Variants in CACNA1A observed in about 807,000 individuals in gnomAD.
CACNA1A encodes the protein voltage-dependent P/Q-type calcium channel subunit alpha-1A.
A neutral mutation model predicts 262.4 loss-of-function variants in CACNA1A; 57 were observed. The ratio of observed to expected loss-of-function variants is 0.22; its 90% confidence interval spans 0.18 to 0.27. CACNA1A has a LOEUF of 0.27. CACNA1A is among the 10% of genes least tolerant of loss of function. The pLI is 1.00. For missense variants in CACNA1A, 2,526 were observed against 3,562.8 expected (o/e 0.71, Z 7.41); for synonymous variants, 1,431 against 1,419.3 (o/e 1.01, Z -0.18).
chr19:13,234,048 TAAA>T (rs60742009), intron 34 of CACNA1A, among the ~76,000 whole-genome samples: 1 of 102,352 alleles, frequency 9.8e-6, no homozygotes, highest in Non-Finnish European at 1.9e-5. Flanking sequence ...AGACTCCATC[TAAA>T]AAAAAAAAAA....
At chr19:13,500,726 T>C (rs1032147429) in intron 1 of CACNA1A, among the ~76,000 whole-genome samples, 3 of 152,196 alleles carry the variant, frequency 2.0e-5, no homozygotes, top group Non-Finnish European at 4.4e-5. Flanking sequence ...AATGAAATGT[T>C]CCCACTAAAA....
chr19:13,497,543 T>A (rs866738744), intron 1 of CACNA1A, among the ~76,000 whole-genome samples: 1 of 17,904 alleles, frequency 5.6e-5, no homozygotes, highest in Non-Finnish European at 9.1e-5. Context: ...TATATATATA[T>A]ATATATATAT....
chr19:13,238,297 G>A (rs1229551850), intron 31 of CACNA1A, among the ~76,000 whole-genome samples: 1 of 152,088 alleles, frequency 6.6e-6, no homozygotes, highest in Non-Finnish European at 1.5e-5. Context: ...AGAATGTGAT[G>A]GGGGTGGGAC....
chr19:13,304,621 C>T (rs1022653880), intron 15 of CACNA1A, among the ~76,000 whole-genome samples: 3 of 119,430 alleles, frequency 2.5e-5, no homozygotes, highest in African/African-American at 1.0e-4. Context: ...TGTGATTTGC[C>T]TAAAAAAAAA....
Position 13,257,606 on chromosome 19 carries a change from C to G in CACNA1A, c.4389-55G>C, listed in dbSNP as rs2056605285. ...GGGCAGGAAGGAGAGAGACAGGGAC[C>G]CAAGGGGTGATGAGGAAGGTGGAGA... On this transcript the variant is annotated intron_variant, in intron 27 of 46. Transcript: ENST00000360228. 6 of 1,209,216 alleles carry G rather than the reference C, an allele frequency of 5.0e-6. No individual in the cohort carries two copies. The Admixed American group carries it at 1.1e-4, about 22-fold the overall frequency. 74.9% of individuals were successfully genotyped at this position (1,209,216 alleles called of 1,614,324 possible). A position where few individuals can be genotyped will look rare whatever the true frequency, so the allele number is the denominator to read the frequency against.
At chr19:13,387,153 G>C (rs2059629477) in intron 3 of CACNA1A, among the ~76,000 whole-genome samples, 1 of 152,034 alleles carries the variant, frequency 6.6e-6, no homozygotes, top group Non-Finnish European at 1.5e-5. Flanking sequence ...GGTTCACCAT[G>C]TTGGCCAGCC....
At position 13,312,538 on chromosome 19, in the gene CACNA1A, C is replaced by A. The variant is rs573139753; in HGVS notation, c.1668+131G>T. On this transcript the variant is annotated intron_variant, in intron 12 of 46. Transcript: ENST00000360228. ...TTGCCAGTGTTTGGGATTGTTTTCT[C>A]ATTCCTTCTGCATCCATCTGAGTCT... 3.4e-5 allele frequency: 21 copies of A among 609,322 alleles called. No individual in the cohort carries two copies. In the African/African-American group the frequency reaches 3.6e-4, roughly 10 times the overall value. The allele number at this position is 609,322 out of a possible 1,614,324, so 37.7% of individuals were successfully genotyped here. A position where few individuals can be genotyped will look rare whatever the true frequency, so the allele number is the denominator to read the frequency against.
chr19:13,311,794 G>A (rs756347580), intron 12 of CACNA1A, among the ~76,000 whole-genome samples: 10 of 151,480 alleles, frequency 6.6e-5, no homozygotes, highest in East Asian at 1.9e-4. Flanking sequence ...CCGAGATGGC[G>A]CCACCGCACT....
chr19:13,429,381 G>C (rs376739743), intron 3 of CACNA1A, among the ~76,000 whole-genome samples: 1 of 151,708 alleles, frequency 6.6e-6, no homozygotes, highest in East Asian at 1.9e-4. Context: ...TAAAACAAGA[G>C]GTATTTTGAG....
At chr19:13,477,218 A>G (rs1216450499) in intron 1 of CACNA1A, among the ~76,000 whole-genome samples, 1 of 152,144 alleles carries the variant, frequency 6.6e-6, no homozygotes, top group Non-Finnish European at 1.5e-5. Flanking sequence ...CTTGGCTCCA[A>G]TGCCATCGCC....
intron 3 of CACNA1A, among the ~76,000 whole-genome samples, chr19:13,395,932 C>CA (rs1461728193): frequency 1.3e-5 from 2 of 152,222 alleles, no homozygotes; most frequent in Non-Finnish European, 2.9e-5. Context: ...TTTCCCCACT[C>CA]AGTCTATTAG....
chr19:13,292,572 C>T (rs2057567316), intron 19 of CACNA1A, among the ~76,000 whole-genome samples: 1 of 152,020 alleles, frequency 6.6e-6, no homozygotes, highest in Non-Finnish European at 1.5e-5. Context: ...CATGATTGTA[C>T]CACTGTACTC....
At chr19:13,396,697 G>A (rs2059817568) in intron 3 of CACNA1A, among the ~76,000 whole-genome samples, 1 of 152,204 alleles carries the variant, frequency 6.6e-6, no homozygotes, top group East Asian at 1.9e-4. Flanking sequence ...ATAATCGAGG[G>A]CGTGCAGTCC....
intron 1 of CACNA1A, among the ~76,000 whole-genome samples, chr19:13,472,300 G>GTATATATGTATACATATATATGCTT (rs1568681381): frequency 1.3e-5 from 2 of 151,562 alleles, no homozygotes; most frequent in East Asian, 1.9e-4. Flanking sequence ...AGATAGATAT[G>GTATATATGTATACATATATATGCTT]TATATATGTA....
chr19:13,245,294 G>C, intron 30 of CACNA1A, 29 bp from the exon 31 acceptor site: 2 of 1,583,298 alleles, frequency 1.3e-6, no homozygotes, highest in East Asian at 2.2e-5. Flanking sequence ...AGACAGAGAT[G>C]CCAACAGAGG....
At chr19:13,282,906 G>C (rs969371774) in intron 22 of CACNA1A, among the ~76,000 whole-genome samples, 1 of 152,132 alleles carries the variant, frequency 6.6e-6, no homozygotes. Flanking sequence ...GTCTACTGCG[G>C]AGGGGACCAC....
intron 17 of CACNA1A, among the ~76,000 whole-genome samples, chr19:13,301,208 G>A (rs1291244282): frequency 6.7e-6 from 1 of 150,080 alleles, no homozygotes; most frequent in Non-Finnish European, 1.5e-5. Flanking sequence ...CTCCCATTTC[G>A]GCCTCCCAAA....
chr19:13,343,732 T>C (rs1013910552), intron 6 of CACNA1A, among the ~76,000 whole-genome samples: 3 of 152,002 alleles, frequency 2.0e-5, no homozygotes, highest in African/African-American at 4.8e-5. Context: ...TGAACAACCA[T>C]TGGGTCAATG....
chr19:13,371,659 C>G (rs373693069), intron 4 of CACNA1A, 29 bp downstream of exon 4: 203 of 1,529,806 alleles, frequency 1.3e-4, no homozygotes, highest in Non-Finnish European at 1.7e-4. Context: ...CGTGAGCAAA[C>G]CCCTTGTCAG....
Sources: gnomAD v4.1 joint callset for allele counts (sites outside exome capture counted in the v4.1 genomes callset) on GRCh38, gnomAD v4.1.1 for gene constraint, MANE v1.5 for transcripts, NCBI Gene and HGNC (gene_info 2026-07-23, HGNC 2026-07-21) for gene names.